The following PRKCH variants were observed in gnomAD, a reference collection of about 807,000 sequenced individuals.
PRKCH encodes protein kinase C eta type.
Under a neutral mutation model 82.5 loss-of-function variants are expected in PRKCH, and 28 were observed. That is an observed-to-expected ratio of 0.34 (90% CI 0.25 to 0.47). PRKCH has a LOEUF of 0.47. Among genes scored for constraint, PRKCH ranks in the 20% least tolerant of loss-of-function variants. The pLI, the probability that PRKCH is intolerant of heterozygous loss-of-function variation, is 1.00. For synonymous variants in PRKCH, 322 were observed against 327.4 expected (o/e 0.98, Z 0.18); for missense variants, 705 against 881.8 (o/e 0.80, Z 2.54).
At chr14:61,496,349 C>G (rs1256653809) in intron 10 of PRKCH, among the ~76,000 whole-genome samples, 1 of 152,182 alleles carries the variant, frequency 6.6e-6, no homozygotes, top group Admixed American at 6.5e-5. Flanking sequence ...TTCAAGGTCA[C>G]ACAGTATGTG....
intron 1 of PRKCH, among the ~76,000 whole-genome samples, chr14:61,335,467 T>G (rs2045844606): frequency 1.3e-5 from 2 of 152,210 alleles, no homozygotes; most frequent in Admixed American, 6.5e-5. Flanking sequence ...GGCCCCAACT[T>G]GTTTTTATTT....
At chr14:61,541,592 G>A (rs1594799124) in intron 12 of PRKCH, among the ~76,000 whole-genome samples, 1 of 152,174 alleles carries the variant, frequency 6.6e-6, no homozygotes, top group African/African-American at 2.4e-5. Context: ...CATTTTGTTT[G>A]CCCAACAGCC....
chr14:61,230,742 C>T (rs1407642231), intron 1 of PRKCH, among the ~76,000 whole-genome samples: 1 of 152,358 alleles, frequency 6.6e-6, no homozygotes, highest in East Asian at 1.9e-4. Flanking sequence ...ACTTCAGCTA[C>T]TTGCCAATCC....
At chr14:61,291,752 A>G (rs2045364671) in intron 1 of PRKCH, among the ~76,000 whole-genome samples, 1 of 152,074 alleles carries the variant, frequency 6.6e-6, no homozygotes. Context: ...TCCTCAATGG[A>G]CTGTTACTCT....
intron 12 of PRKCH, among the ~76,000 whole-genome samples, chr14:61,539,036 G>C (rs570813679): frequency 6.6e-6 from 1 of 152,294 alleles, no homozygotes; most frequent in East Asian, 1.9e-4. Context: ...CTTAACACTT[G>C]GAAGTCATTG....
chr14:61,382,756 C>CT (rs2140188101), intron 1 of PRKCH, among the ~76,000 whole-genome samples: 2 of 152,282 alleles, frequency 1.3e-5, no homozygotes, highest in South Asian at 4.1e-4. Flanking sequence ...CCCAAAATTG[C>CT]TTTTTTCTTT....
intron 1 of PRKCH, among the ~76,000 whole-genome samples, chr14:61,327,978 C>T (rs893845327): frequency 4.6e-5 from 7 of 151,454 alleles, no homozygotes; most frequent in Admixed American, 3.9e-4. Flanking sequence ...GGGCCGGGCG[C>T]GGTGGCTCAC....
intron 1 of PRKCH, chr14:61,277,590 A>T (rs1465341650): frequency 6.6e-6 from 1 of 152,230 alleles, no homozygotes; most frequent in Non-Finnish European, 1.5e-5. Context: ...TTCCCATTTC[A>T]GTTTTAAAGT....
intron 1 of PRKCH, among the ~76,000 whole-genome samples, chr14:61,220,509 A>C (rs1425889941): frequency 6.6e-6 from 1 of 152,266 alleles, no homozygotes; most frequent in Non-Finnish European, 1.5e-5. Context: ...AGAAGGATAC[A>C]CTGGGACAGT....
At chr14:61,275,311 ACCT>A (rs796862655) in intron 1 of PRKCH, among the ~76,000 whole-genome samples, 2 of 152,338 alleles carry the variant, frequency 1.3e-5, no homozygotes, top group African/African-American at 4.8e-5. Flanking sequence ...ACTTTCTAAC[ACCT>A]CATGCATTTT....
At chr14:61,240,681 T>G (rs1168115832) in intron 1 of PRKCH, among the ~76,000 whole-genome samples, 2 of 151,214 alleles carry the variant, frequency 1.3e-5, no homozygotes, top group African/African-American at 4.9e-5. Context: ...GCCTAAAAAT[T>G]ATTTCTTAAC....
rs539925872 is a variant in PRKCH, at chr14:61,281,153, C to CCGCGCGGGGACCGA, written c.-19+93494_-19+93507dup. On this transcript the variant is annotated intron_variant, in intron 1 of 3. Transcript: ENST00000555185. ...GCCGTGGCGCTCCAGGTCATGGCGG[C>CCGCGCGGGGACCGA]CGCGCGGGGACCGACGCGCGGGCTG... The CCGCGCGGGGACCGA allele has an allele frequency of 6.9e-4, 921 of 1,336,774 alleles. 4 individuals carry two copies. The African/African-American group carries it at 0.013, about 19-fold the overall frequency. 82.8% of individuals were successfully genotyped at this position (1,336,774 alleles called of 1,614,324 possible).
intron 2 of PRKCH, among the ~76,000 whole-genome samples, chr14:61,394,712 G>A (rs1294318160): frequency 6.6e-6 from 1 of 152,158 alleles, no homozygotes; most frequent in East Asian, 1.9e-4. Context: ...TAGTTTCAGT[G>A]ATAATAAGAA....
At chr14:61,362,989 A>C (rs1356176521) in intron 1 of PRKCH, among the ~76,000 whole-genome samples, 8 of 152,252 alleles carry the variant, frequency 5.3e-5, no homozygotes, top group Non-Finnish European at 1.0e-4. Flanking sequence ...GAAGTCGCCT[A>C]GACGGAGTCT....
chr14:61,291,293 A>G (rs947854497), intron 1 of PRKCH, among the ~76,000 whole-genome samples: 2 of 151,000 alleles, frequency 1.3e-5, no homozygotes, highest in African/African-American at 4.9e-5. Flanking sequence ...ATAATAGCTA[A>G]GATCAATTGT....
intron 9 of PRKCH, among the ~76,000 whole-genome samples, chr14:61,481,876 C>G (rs1317491708): frequency 6.6e-6 from 1 of 152,090 alleles, no homozygotes; most frequent in African/African-American, 2.4e-5. Context: ...CTATCACTTA[C>G]TGCACACTTG....
At chr14:61,510,327 C>T (rs1887320819) in intron 10 of PRKCH, among the ~76,000 whole-genome samples, 3 of 152,008 alleles carry the variant, frequency 2.0e-5, no homozygotes, top group Admixed American at 2.0e-4. Flanking sequence ...AGGAGTAAGC[C>T]TGGAAGCCAG....
chr14:61,197,013 A>G (rs1029056163), intron 1 of PRKCH, among the ~76,000 whole-genome samples: 2 of 152,172 alleles, frequency 1.3e-5, no homozygotes, highest in Admixed American at 1.3e-4. Flanking sequence ...TAAATACAGG[A>G]GACAGTTTGG....
At chr14:61,434,781 G>A (rs1883595101) in intron 2 of PRKCH, among the ~76,000 whole-genome samples, 1 of 152,138 alleles carries the variant, frequency 6.6e-6, no homozygotes, top group Non-Finnish European at 1.5e-5. Context: ...AGCACTTTGC[G>A]AGACCAAAGA....
Sources: gnomAD v4.1 joint callset for allele counts (sites outside exome capture counted in the v4.1 genomes callset) on GRCh38, gnomAD v4.1.1 for gene constraint, MANE v1.5 for transcripts, NCBI Gene and HGNC (gene_info 2026-07-23, HGNC 2026-07-21) for gene names.